Variants in IL1RAPL1 observed in about 807,000 individuals in gnomAD.
IL1RAPL1 encodes interleukin-1 receptor accessory protein-like 1.
A neutral mutation model predicts 48.4 loss-of-function variants in IL1RAPL1; 3 were observed. That is an observed-to-expected ratio of 0.06 (90% CI 0.03 to 0.16). IL1RAPL1 has a LOEUF of 0.16. Among genes scored for constraint, IL1RAPL1 ranks in the 10% least tolerant of loss-of-function variants. The pLI is 1.00. For missense variants in IL1RAPL1, 349 were observed against 530.6 expected, an observed-to-expected ratio of 0.66 and a Z score of 3.36; for synonymous variants, 185 against 187.7, an observed-to-expected ratio of 0.99 and a Z score of 0.12.
At chrX:28,635,332 A>G (rs761192402) in intron 1 of IL1RAPL1, among the ~76,000 whole-genome samples, 2 of 112,107 alleles carry the variant, frequency 1.8e-5, no homozygotes, top group Non-Finnish European at 3.8e-5. Flanking sequence ...AGATTTTGTT[A>G]TAGACATCAA....
At chrX:29,225,687 A>G (rs967391987) in intron 2 of IL1RAPL1, among the ~76,000 whole-genome samples, 3 of 111,417 alleles carry the variant, frequency 2.7e-5, no homozygotes, top group African/African-American at 9.8e-5. Context: ...GCTGGTTAAT[A>G]TGATTAGGCC....
chrX:28,973,683 T>C (rs1925137521), intron 2 of IL1RAPL1, among the ~76,000 whole-genome samples: 1 of 112,052 alleles, frequency 8.9e-6, no homozygotes, highest in Non-Finnish European at 1.9e-5. Context: ...TTACAGATAT[T>C]AAACTTGTAA....
chrX:29,439,895 T>G (rs1274930934), intron 5 of IL1RAPL1, among the ~76,000 whole-genome samples: 1 of 87,352 alleles, frequency 1.1e-5, no homozygotes, highest in Non-Finnish European at 2.2e-5. Flanking sequence ...ATGTAGGCAT[T>G]TTGTTGACAG....
At chrX:29,613,209 A>G (rs929789331) in intron 5 of IL1RAPL1, among the ~76,000 whole-genome samples, 4 of 112,687 alleles carry the variant, frequency 3.5e-5, no homozygotes, top group Non-Finnish European at 7.5e-5. Context: ...TTAATAGTAT[A>G]TTTAGTTAAC....
chrX:29,768,785 A>T (rs1048073720), intron 6 of IL1RAPL1, among the ~76,000 whole-genome samples: 1 of 112,004 alleles, frequency 8.9e-6, no homozygotes, highest in African/African-American at 3.2e-5. Context: ...AGCACTTGGT[A>T]TGTTTAAAAC....
At chrX:28,950,620 C>T (rs770928612) in intron 2 of IL1RAPL1, among the ~76,000 whole-genome samples, 1 of 107,232 alleles carries the variant, frequency 9.3e-6, no homozygotes, top group South Asian at 4.3e-4. Flanking sequence ...TTTCCTTGAG[C>T]AGTGGTTTGT....
intron 5 of IL1RAPL1, among the ~76,000 whole-genome samples, chrX:29,595,316 A>G (rs773808236): frequency 8.9e-6 from 1 of 112,131 alleles, no homozygotes; most frequent in Non-Finnish European, 1.9e-5. Context: ...ATGTCCACAC[A>G]GTTTTCCATA....
Position 29,815,788 on chromosome X carries a change from A to G in IL1RAPL1, c.779-101676A>G, listed in dbSNP as rs181697370. Among the ~76,000 whole-genome samples, 104 of 111,243 alleles carry G rather than the reference A, an allele frequency of 9.3e-4. 3 individuals are homozygous for G. The Admixed American group carries it at 1.0e-2, about 11-fold the overall frequency. Reference sequence around the variant, plus strand: ...TTGTTGAGGCTTTTTATAATTTTATAAAATCCCTTTGTATAAGGGATGTTG... The same window carrying G: ...TTGTTGAGGCTTTTTATAATTTTATGAAATCCCTTTGTATAAGGGATGTTG... On this transcript the variant is annotated intron_variant, in intron 6 of 10. Transcript: ENST00000378993.
At chrX:28,981,270 T>A (rs1408875111) in intron 2 of IL1RAPL1, among the ~76,000 whole-genome samples, 2 of 108,980 alleles carry the variant, frequency 1.8e-5, no homozygotes, top group Non-Finnish European at 3.8e-5. Context: ...GGAGGACTCC[T>A]TATTAACATT....
At chrX:28,908,525 G>A (rs933284092) in intron 2 of IL1RAPL1, among the ~76,000 whole-genome samples, 2 of 111,475 alleles carry the variant, frequency 1.8e-5, no homozygotes, top group African/African-American at 6.5e-5. Context: ...TTGATTTTTA[G>A]TTTAATTCCA....
chrX:29,145,859 T>A (rs139613968), intron 2 of IL1RAPL1, among the ~76,000 whole-genome samples: 1,430 of 111,959 alleles, frequency 0.013, 22 homozygotes, highest in African/African-American at 0.044. Context: ...TACCTTCAAA[T>A]CATTTCCAAA....
chrX:29,310,731 T>A (rs1023775936), intron 3 of IL1RAPL1, among the ~76,000 whole-genome samples: 8 of 112,356 alleles, frequency 7.1e-5, no homozygotes, highest in African/African-American at 2.6e-4. Context: ...TAGCTTTTAA[T>A]GCTCTTTCTA....
chrX:29,219,956 A>C (rs1930942269), intron 2 of IL1RAPL1, among the ~76,000 whole-genome samples: 1 of 101,492 alleles, frequency 9.9e-6, no homozygotes, highest in South Asian at 4.2e-4. Context: ...ATCTTTAAAG[A>C]AAAAAAAAAA....
chrX:29,311,665 A>G (rs942196492), intron 3 of IL1RAPL1, among the ~76,000 whole-genome samples: 1 of 112,178 alleles, frequency 8.9e-6, no homozygotes, highest in African/African-American at 3.2e-5. Context: ...ACGGTACTGG[A>G]CAACATAGCT....
In IL1RAPL1 at chrX:28,675,639, G is replaced by A. The variant is rs150084584; in HGVS notation, c.-25+87592G>A. Among the ~76,000 whole-genome samples, 80 of 111,509 alleles carry A rather than the reference G, an allele frequency of 7.2e-4. No homozygotes were observed. The East Asian group carries it at 9.5e-3, about 13-fold the overall frequency. ...CATAATACAATATATATAACATTGC[G>A]CATAATATATTGAGCATGTACCATA... On this transcript the variant is annotated intron_variant, in intron 1 of 10. Coordinates refer to ENST00000378993, the MANE Select transcript of IL1RAPL1 (RefSeq NM_014271.4).
chrX:29,543,675 C>A (rs1921517147), intron 5 of IL1RAPL1, among the ~76,000 whole-genome samples: 1 of 110,794 alleles, frequency 9.0e-6, no homozygotes, highest in African/African-American at 3.3e-5. Context: ...ATAATATTTG[C>A]TTCTTTGTAC....
chrX:29,645,518 A>G (rs112459152), intron 5 of IL1RAPL1, among the ~76,000 whole-genome samples: 17,333 of 105,941 alleles, frequency 0.16, 1,251 homozygotes, highest in African/African-American at 0.32. Flanking sequence ...TCAGAATTCC[A>G]TGACCACTGA....
intron 2 of IL1RAPL1, among the ~76,000 whole-genome samples, chrX:29,253,381 A>G (rs988046609): frequency 9.0e-6 from 1 of 111,518 alleles, no homozygotes; most frequent in Non-Finnish European, 1.9e-5. Context: ...TAAGTCTTAG[A>G]TAACAAAAGG....
intron 2 of IL1RAPL1, among the ~76,000 whole-genome samples, chrX:28,849,219 GT>G (rs1403770437): frequency 9.1e-6 from 1 of 110,225 alleles, no homozygotes; most frequent in Non-Finnish European, 1.9e-5. Flanking sequence ...AATCACCATT[GT>G]TCTGTTGGCT....
Sources: gnomAD v4.1 joint callset for allele counts (sites outside exome capture counted in the v4.1 genomes callset) on GRCh38, gnomAD v4.1.1 for gene constraint, MANE v1.5 for transcripts, NCBI Gene and HGNC (gene_info 2026-07-23, HGNC 2026-07-21) for gene names.